Variants in GRID2 observed in about 807,000 individuals in gnomAD.
The protein encoded by GRID2 is glutamate ionotropic receptor delta type subunit 2.
GRID2 carries 33 observed loss-of-function variants against 114.8 expected under a neutral mutation model. The ratio of observed to expected loss-of-function variants is 0.29; its 90% CI spans 0.22 to 0.38. GRID2 has a LOEUF of 0.38. GRID2 is among the 10% of genes least tolerant of loss of function. GRID2 has a pLI of 1.00. For synonymous variants in GRID2, 505 were observed against 449.9 expected (o/e 1.12, Z -1.55); for missense variants, 1,184 against 1,257.7 (o/e 0.94, Z 0.89).
chr4:92,848,886 CTG>C (rs1419431235), intron 2 of GRID2, among the ~76,000 whole-genome samples: 1 of 151,856 alleles, frequency 6.6e-6, no homozygotes, highest in Non-Finnish European at 1.5e-5. Flanking sequence ...TGTGAGGACA[CTG>C]TGAGGGAGTG....
chr4:93,747,276 A>G (rs1578724306), intron 14 of GRID2, among the ~76,000 whole-genome samples: 1 of 152,252 alleles, frequency 6.6e-6, no homozygotes, highest in East Asian at 1.9e-4. Context: ...GAGTTGAAAG[A>G]CCGTTCCAAA....
chr4:92,761,890 A>G (rs553807021), intron 2 of GRID2, among the ~76,000 whole-genome samples: 1 of 152,258 alleles, frequency 6.6e-6, no homozygotes, highest in South Asian at 2.1e-4. Context: ...AATATAAAAT[A>G]TAATATTTCT....
intron 8 of GRID2, among the ~76,000 whole-genome samples, chr4:93,370,447 AC>A (rs1171458833): frequency 8.0e-5 from 12 of 150,868 alleles, no homozygotes; most frequent in African/African-American, 2.7e-4. Context: ...AGGCACACAC[AC>A]ACACGCACAC....
intron 14 of GRID2, among the ~76,000 whole-genome samples, chr4:93,688,503 C>T (rs186965629): frequency 3.9e-5 from 6 of 151,998 alleles, no homozygotes; most frequent in East Asian, 1.9e-4. Context: ...TTGGAGAGGT[C>T]GGATAACTTG....
At chr4:92,463,271 C>G (rs1047327126) in intron 1 of GRID2, among the ~76,000 whole-genome samples, 1 of 151,782 alleles carries the variant, frequency 6.6e-6, no homozygotes, top group Non-Finnish European at 1.5e-5. Context: ...TTGCTCTTAT[C>G]TATTGGGAAT....
At chr4:92,655,974 C>T (rs1732211508) in intron 2 of GRID2, among the ~76,000 whole-genome samples, 1 of 151,560 alleles carries the variant, frequency 6.6e-6, no homozygotes, top group South Asian at 2.1e-4. Flanking sequence ...TCAACTTTTC[C>T]CCATTCAGTA....
chr4:92,759,573 T>C (rs1020588893), intron 2 of GRID2, among the ~76,000 whole-genome samples: 1 of 152,080 alleles, frequency 6.6e-6, no homozygotes, highest in African/African-American at 2.4e-5. Flanking sequence ...ATATATGTTA[T>C]GTGTGTATAT....
At chr4:93,516,150 TG>T (rs886631623) in intron 13 of GRID2, among the ~76,000 whole-genome samples, 7 of 152,164 alleles carry the variant, frequency 4.6e-5, no homozygotes, top group Non-Finnish European at 1.0e-4. Context: ...AATTATGGAA[TG>T]CAGGAATGAA....
chr4:92,660,689 A>G (rs914312551), intron 2 of GRID2, among the ~76,000 whole-genome samples: 7 of 151,164 alleles, frequency 4.6e-5, no homozygotes, highest in Non-Finnish European at 1.0e-4. Flanking sequence ...CTTCAACTTT[A>G]TATCACCTCA....
chr4:93,410,012 CAA>C lies in GRID2; in HGVS notation c.1348-12758_1348-12757del, dbSNP rs541203566. ...GGTAGACTGACTACCATAATCAAAT[CAA>C]TATTGGTTTAGAAAATTTCACAATA... On this transcript the variant is annotated intron_variant, in intron 9 of 15. Coordinates refer to ENST00000282020, the MANE Select transcript of GRID2 (RefSeq NM_001510.4). 5.1e-3 allele frequency among the ~76,000 whole-genome samples: 774 copies of C among 152,212 alleles called. 2 individuals carry two copies. The highest frequency in any genetic ancestry group is 7.4e-3 in the Non-Finnish European group (502 of 68,010).
intron 8 of GRID2, among the ~76,000 whole-genome samples, chr4:93,300,789 C>T (rs1189267385): frequency 6.6e-6 from 1 of 152,036 alleles, no homozygotes; most frequent in Non-Finnish European, 1.5e-5. Context: ...CAATTTGTGC[C>T]CCTTTTAAGG....
intron 1 of GRID2, among the ~76,000 whole-genome samples, chr4:92,420,397 CCTAT>C (rs1731842227): frequency 1.3e-5 from 2 of 152,130 alleles, no homozygotes; most frequent in South Asian, 2.1e-4. Context: ...TTATGATTAT[CCTAT>C]CTAAGCTCCA....
intron 14 of GRID2, among the ~76,000 whole-genome samples, chr4:93,662,829 G>A (rs1168815223): frequency 2.6e-5 from 4 of 152,158 alleles, no homozygotes; most frequent in Non-Finnish European, 5.9e-5. Context: ...AGGAAGAAGA[G>A]TGCTTTTCCT....
intron 1 of GRID2, among the ~76,000 whole-genome samples, chr4:92,539,993 G>C (rs999873533): frequency 6.6e-6 from 1 of 151,948 alleles, no homozygotes; most frequent in Non-Finnish European, 1.5e-5. Context: ...ATAATGCTAC[G>C]TATCTACAAC....
At chr4:92,990,676 T>C (rs1754840758) in intron 2 of GRID2, among the ~76,000 whole-genome samples, 1 of 152,000 alleles carries the variant, frequency 6.6e-6, no homozygotes, top group African/African-American at 2.4e-5. Flanking sequence ...GCAAATATTA[T>C]ACCCTGTATC....
intron 1 of GRID2, among the ~76,000 whole-genome samples, chr4:92,395,473 A>C (rs1382104599): frequency 2.0e-5 from 3 of 151,764 alleles, no homozygotes; most frequent in Admixed American, 6.6e-5. Context: ...ATTTTCACTT[A>C]TCAGGAAATT....
At chr4:92,690,224 T>G (rs1734111446) in intron 2 of GRID2, among the ~76,000 whole-genome samples, 1 of 152,064 alleles carries the variant, frequency 6.6e-6, no homozygotes, top group African/African-American at 2.4e-5. Context: ...AAAAAAAGTA[T>G]ATGACTCTTC....
intron 2 of GRID2, among the ~76,000 whole-genome samples, chr4:92,661,363 C>G (rs1732509294): frequency 6.6e-6 from 1 of 150,720 alleles, no homozygotes. Context: ...ATTTAAAAAT[C>G]CTTACATTTA....
At chr4:92,872,054 T>C (rs1342920959) in intron 2 of GRID2, among the ~76,000 whole-genome samples, 1 of 152,136 alleles carries the variant, frequency 6.6e-6, no homozygotes, top group Non-Finnish European at 1.5e-5. Context: ...TGTGTACATA[T>C]AGGTTAAACT....
Sources: allele counts gnomAD v4.1 joint callset (sites outside exome capture counted in the v4.1 genomes callset), GRCh38; gene constraint gnomAD v4.1.1; transcripts MANE v1.5; gene names NCBI Gene and HGNC (gene_info 2026-07-23, HGNC 2026-07-21).